Variants in ZFHX3 observed in about 807,000 individuals in gnomAD.
ZFHX3 encodes the protein zinc finger homeobox protein 3.
A neutral mutation model predicts 279.1 loss-of-function variants in ZFHX3; 42 were observed. That is an observed-to-expected ratio of 0.15 (90% confidence interval 0.12 to 0.19). ZFHX3 has a LOEUF of 0.19. Ranked by LOEUF, ZFHX3 falls within the 10% of genes least tolerant of loss-of-function variation. The pLI is 1.00. For missense variants in ZFHX3, 4,981 were observed against 4,754.0 expected (o/e 1.05, Z -1.40); for synonymous variants, 2,293 against 1,957.8 (o/e 1.17, Z -4.52).
At chr16:73,374,098 G>C (rs534197047) in intron 3 of ZFHX3, among the ~76,000 whole-genome samples, 1 of 152,294 alleles carries the variant, frequency 6.6e-6, no homozygotes, top group South Asian at 2.1e-4. Context: ...ACCTATCGAC[G>C]CAGAGGCAAG....
chr16:73,155,570 C>T (rs935707702), intron 5 of ZFHX3, among the ~76,000 whole-genome samples: 1 of 152,158 alleles, frequency 6.6e-6, no homozygotes, highest in Non-Finnish European at 1.5e-5. Context: ...TGCCTATAAT[C>T]CCAGCACTTT....
chr16:73,559,777 T>G (rs535465934), intron 2 of ZFHX3, among the ~76,000 whole-genome samples: 1 of 152,108 alleles, frequency 6.6e-6, no homozygotes, highest in East Asian at 1.9e-4. Context: ...CACCGTCCCC[T>G]CCCTGGTAAG....
At chr16:73,281,883 C>T (rs1387513853) in intron 4 of ZFHX3, among the ~76,000 whole-genome samples, 1 of 152,084 alleles carries the variant, frequency 6.6e-6, no homozygotes, top group Admixed American at 6.6e-5. Context: ...GTTACAGGGG[C>T]AGCATACCTG....
intron 4 of ZFHX3, among the ~76,000 whole-genome samples, chr16:72,851,819 G>A (rs139404768): frequency 0.029 from 4,397 of 152,246 alleles, 460 homozygotes; most frequent in East Asian, 0.19. Context: ...CCAAAGTGCT[G>A]AGATTACAGG....
At chr16:72,912,127 T>C (rs563816401) in intron 3 of ZFHX3, among the ~76,000 whole-genome samples, 1 of 152,324 alleles carries the variant, frequency 6.6e-6, no homozygotes, top group South Asian at 2.1e-4. Context: ...GTACCCAGCA[T>C]GGCCATGCAG....
chr16:73,103,144 C>T (rs1248785687), intron 7 of ZFHX3, among the ~76,000 whole-genome samples: 2 of 152,114 alleles, frequency 1.3e-5, no homozygotes, highest in Non-Finnish European at 2.9e-5. Context: ...AAGCTGGTCT[C>T]GAACTCCTGA....
rs1295421111 is a variant in ZFHX3 at position 73,464,091 on chromosome 16, A to C, written c.-1546-7833T>G. On this transcript the variant is annotated intron_variant, in intron 2 of 17. Transcript: ENST00000641206. ...GTATTTCTGTATTTTTTTTCTCCTA[A>C]GTGCCTTTGCTTAGTAAAAGCCATC... 2.0e-5 allele frequency among the ~76,000 whole-genome samples: 3 copies of C among 152,086 alleles called. No homozygotes were observed. The East Asian group carries it at 5.8e-4, about 29-fold the overall frequency.
At chr16:73,607,704 T>C (rs747057611) in intron 2 of ZFHX3, among the ~76,000 whole-genome samples, 3 of 152,206 alleles carry the variant, frequency 2.0e-5, no homozygotes, top group Admixed American at 6.5e-5. Flanking sequence ...ATAAAAATCC[T>C]GACATGGGTC....
intron 1 of ZFHX3, among the ~76,000 whole-genome samples, chr16:73,020,377 C>T (rs1473038638): frequency 1.4e-5 from 2 of 146,262 alleles, no homozygotes; most frequent in Non-Finnish European, 3.0e-5. Context: ...TAAAGACATA[C>T]TTCTGATTTC....
intron 2 of ZFHX3, among the ~76,000 whole-genome samples, chr16:73,592,747 TTAAATAGAGAC>T (rs1396936666): frequency 6.6e-6 from 1 of 151,876 alleles, no homozygotes; most frequent in Non-Finnish European, 1.5e-5. Context: ...AAAGGTTTTT[TTAAATAGAGAC>T]AAATAGAAAG....
chr16:72,906,803 C>G (rs962521620), intron 3 of ZFHX3, among the ~76,000 whole-genome samples: 15 of 152,058 alleles, frequency 9.9e-5, no homozygotes, highest in Admixed American at 8.5e-4. Context: ...GTCCACCCCC[C>G]TTCCCCCCCT....
rs543060368 is a variant in ZFHX3, at chr16:72,920,967, G to A, written c.3216+29502C>T. The stretch of plus-strand genomic sequence containing the variant: ...TATGCCTGTATTCCTAGCCACTTGA[G>A]GGGCTGAGGCAGGAGGATCACTTGG... On this transcript the variant is annotated intron_variant, in intron 3 of 9. Transcript: ENST00000268489. Among the ~76,000 whole-genome samples the A allele has an allele frequency of 5.3e-5, 8 of 151,576 alleles. No individual in the cohort carries two copies. The South Asian group carries it at 1.7e-3, about 32-fold the overall frequency.
intron 1 of ZFHX3, among the ~76,000 whole-genome samples, chr16:72,961,660 T>C (rs1961585874): frequency 6.6e-6 from 1 of 151,660 alleles, no homozygotes; most frequent in South Asian, 2.1e-4. Flanking sequence ...GATTATTGAC[T>C]GCACAATGAG....
intron 2 of ZFHX3, among the ~76,000 whole-genome samples, chr16:73,513,614 A>G (rs536159273): frequency 8.5e-5 from 13 of 152,256 alleles, no homozygotes; most frequent in African/African-American, 3.1e-4. Context: ...AGAGCTCTGA[A>G]TTGTGCACTG....
chr16:73,823,921 A>T (rs910771662), intron 1 of ZFHX3, among the ~76,000 whole-genome samples: 1 of 152,220 alleles, frequency 6.6e-6, no homozygotes, highest in Non-Finnish European at 1.5e-5. Flanking sequence ...ATTTTTAATG[A>T]CATCTCAGAA....
chr16:73,456,670 A>G (rs1326221631), intron 2 of ZFHX3, among the ~76,000 whole-genome samples: 10 of 152,188 alleles, frequency 6.6e-5, no homozygotes, highest in Admixed American at 6.5e-4. Context: ...TAGCTGCTCC[A>G]ATGTCAAAAT....
intron 3 of ZFHX3, among the ~76,000 whole-genome samples, chr16:73,385,764 G>A (rs1166973215): frequency 1.3e-5 from 2 of 152,216 alleles, no homozygotes; most frequent in Non-Finnish European, 2.9e-5. Flanking sequence ...ATGGGCAGGA[G>A]GGGCCTGGGC....
chr16:73,072,123 C>T (rs62052367), intron 8 of ZFHX3, among the ~76,000 whole-genome samples: 6,154 of 152,278 alleles, frequency 0.04, 190 homozygotes, highest in African/African-American at 0.091. Context: ...ATGAGTACTT[C>T]GATGGGTATG....
At position 72,959,683 on chromosome 16, in the gene ZFHX3, C is replaced by G. The variant is rs748592679; in HGVS notation, c.463G>C (p.Gly155Arg). 4 of 1,613,928 alleles carry G rather than the reference C, an allele frequency of 2.5e-6. No individual in the cohort carries two copies. In the South Asian group the frequency reaches 3.3e-5, roughly 13 times the overall value. The part of the protein sequence containing the change: ...ESLSQLTQGG[G>R]ACGSGSGSGP... ...CTGCCACTGCCACTCCCACAGGCGCCCCCGCCCTGGGTCAGCTGGCTCAGG... is the reference window on the plus strand; with the variant it reads ...CTGCCACTGCCACTCCCACAGGCGCGCCCGCCCTGGGTCAGCTGGCTCAGG... Residue 155 changes from glycine to arginine, a missense_variant, in exon 2 of 10, where the codon GGC becomes CGC. This residue lies in a region of ZFHX3 where 1,068 missense variants were observed against 935.2 expected (regional missense o/e 1.14). Coordinates refer to ENST00000268489, the MANE Select transcript of ZFHX3 (RefSeq NM_006885.4).
Sources: gnomAD v4.1 joint callset for allele counts (sites outside exome capture counted in the v4.1 genomes callset) on GRCh38, gnomAD v4.1.1 for gene constraint, gnomAD v4.1.1 regional missense constraint, MANE v1.5 for transcripts, NCBI Gene and HGNC (gene_info 2026-07-23, HGNC 2026-07-21) for gene names.